Variants in MARCHF1 observed in about 807,000 individuals in gnomAD.
MARCHF1 encodes E3 ubiquitin-protein ligase MARCHF1.
MARCHF1 carries 40 observed loss-of-function variants against 54.2 expected under a neutral mutation model. That is an observed-to-expected ratio of 0.74 (90% CI 0.57 to 0.96). The LOEUF (loss-of-function observed/expected upper bound fraction) is 0.96. MARCHF1 is among the 40% of genes least tolerant of loss of function. The pLI is 0.00. For missense variants in MARCHF1, 586 were observed against 656.5 expected, an observed-to-expected ratio of 0.89 and a Z score of 1.17; for synonymous variants, 236 against 236.3, an observed-to-expected ratio of 1.00 and a Z score of 0.01.
intron 8 of MARCHF1, among the ~76,000 whole-genome samples, chr4:163,582,283 A>G (rs6840994): frequency 0.019 from 2,838 of 152,262 alleles, 77 homozygotes; most frequent in African/African-American, 0.063. Context: ...GACTTTTATT[A>G]AGTATTCCAA....
chr4:163,714,496 G>T (rs904931458), intron 4 of MARCHF1, among the ~76,000 whole-genome samples: 6 of 152,168 alleles, frequency 3.9e-5, no homozygotes, highest in Non-Finnish European at 8.8e-5. Context: ...CAATGGAAGA[G>T]ACTATATTTC....
intron 2 of MARCHF1, among the ~76,000 whole-genome samples, chr4:164,089,632 A>C (rs779552020): frequency 6.6e-6 from 1 of 151,956 alleles, no homozygotes; most frequent in Non-Finnish European, 1.5e-5. Flanking sequence ...AAGGACCTTA[A>C]ATCTACTAAT....
At chr4:164,163,744 A>G (rs919705312) in intron 1 of MARCHF1, among the ~76,000 whole-genome samples, 40 of 151,958 alleles carry the variant, frequency 2.6e-4, no homozygotes, top group Non-Finnish European at 5.3e-4. Context: ...ACTTAAAGTA[A>G]TTGACATTTA....
At chr4:163,932,488 T>C in intron 3 of MARCHF1, 3 of 365,576 alleles carry the variant, frequency 8.2e-6, no homozygotes, top group Non-Finnish European at 1.6e-5. Flanking sequence ...CAGGAGCAAA[T>C]TCCATCTCAA....
At chr4:164,244,061 T>C (rs1214680095) in intron 1 of MARCHF1, among the ~76,000 whole-genome samples, 3 of 152,002 alleles carry the variant, frequency 2.0e-5, no homozygotes, top group East Asian at 3.9e-4. Context: ...GACAGAAAGT[T>C]AACAAGGATA....
intron 1 of MARCHF1, among the ~76,000 whole-genome samples, chr4:164,340,303 C>T (rs1729875605): frequency 6.8e-6 from 1 of 147,656 alleles, no homozygotes; most frequent in Non-Finnish European, 1.5e-5. Flanking sequence ...GTGGCGTGAT[C>T]TCAGCTTGCT....
At chr4:164,370,257 G>C (rs1037531096) in intron 1 of MARCHF1, among the ~76,000 whole-genome samples, 2 of 152,162 alleles carry the variant, frequency 1.3e-5, no homozygotes, top group African/African-American at 4.8e-5. Flanking sequence ...AGGGTGAAAA[G>C]AAGAAAGTAG....
At chr4:163,738,118 A>C (rs905679780) in intron 4 of MARCHF1, among the ~76,000 whole-genome samples, 1 of 152,108 alleles carries the variant, frequency 6.6e-6, no homozygotes, top group African/African-American at 2.4e-5. Context: ...GGTCCTAACA[A>C]ACATATTTCA....
chr4:164,268,914 T>C (rs1365874268), intron 1 of MARCHF1, among the ~76,000 whole-genome samples: 2 of 152,098 alleles, frequency 1.3e-5, no homozygotes, highest in Non-Finnish European at 2.9e-5. Flanking sequence ...GAGAAAAGAT[T>C]GTGGATGAGA....
chr4:163,946,810 T>C (rs1177779673), intron 3 of MARCHF1, among the ~76,000 whole-genome samples: 1 of 152,158 alleles, frequency 6.6e-6, no homozygotes, highest in East Asian at 1.9e-4. Flanking sequence ...TGATTCAATT[T>C]CCCATTATCT....
intron 3 of MARCHF1, among the ~76,000 whole-genome samples, chr4:163,947,543 A>G (rs6536763): frequency 0.62 from 93,718 of 152,066 alleles, 29,144 homozygotes; most frequent in Middle Eastern, 0.71. Context: ...CACTGGACCC[A>G]GAGATGAGAG....
intron 1 of MARCHF1, among the ~76,000 whole-genome samples, chr4:164,362,216 G>A (rs1730741554): frequency 6.6e-6 from 1 of 152,070 alleles, no homozygotes; most frequent in Admixed American, 6.6e-5. Flanking sequence ...AGACATTTGT[G>A]TGTGATTATA....
At chr4:164,220,639 CTA>C (rs1205667294) in intron 1 of MARCHF1, among the ~76,000 whole-genome samples, 2 of 136,518 alleles carry the variant, frequency 1.5e-5, no homozygotes, top group African/African-American at 2.7e-5. Flanking sequence ...AATATATATG[CTA>C]TATATGCATA....
intron 1 of MARCHF1, among the ~76,000 whole-genome samples, chr4:164,196,806 C>T (rs1389242316): frequency 6.6e-6 from 1 of 152,058 alleles, no homozygotes; most frequent in Non-Finnish European, 1.5e-5. Flanking sequence ...CCACCGCCTC[C>T]TGCCCTCCCT....
chr4:164,176,941 GCTCTCTCTCTCTCTCTCTCT>G (rs57770641), intron 1 of MARCHF1, among the ~76,000 whole-genome samples: 6,514 of 58,206 alleles, frequency 0.11, 809 homozygotes, highest in African/African-American at 0.19. Context: ...TACCTTGTGC[GCTCTCTCTCTCTCTCTCTCT>G]CTCTCTCTCT....
At chr4:163,550,443 A>C (rs1352429336) in intron 8 of MARCHF1, among the ~76,000 whole-genome samples, 1 of 151,766 alleles carries the variant, frequency 6.6e-6, no homozygotes, top group Non-Finnish European at 1.5e-5. Context: ...CAATCTATAG[A>C]ATGATAGACC....
intron 2 of MARCHF1, among the ~76,000 whole-genome samples, chr4:163,999,904 C>T (rs1753153238): frequency 6.6e-6 from 1 of 151,664 alleles, no homozygotes; most frequent in African/African-American, 2.4e-5. Context: ...TATAAGATTA[C>T]ATTTAACTCT....
At chr4:164,290,844 T>G (rs1360594717) in intron 1 of MARCHF1, among the ~76,000 whole-genome samples, 1 of 151,916 alleles carries the variant, frequency 6.6e-6, no homozygotes, top group Admixed American at 6.6e-5. Context: ...TTGAAATCTA[T>G]TTGTGTTTAA....
At chr4:163,710,627 T>G (rs1334752075) in intron 4 of MARCHF1, among the ~76,000 whole-genome samples, 1 of 151,768 alleles carries the variant, frequency 6.6e-6, no homozygotes, top group Non-Finnish European at 1.5e-5. Flanking sequence ...ACCAAAGACT[T>G]TTTTTTTAAG....
Sources: gnomAD v4.1 joint callset for allele counts (sites outside exome capture counted in the v4.1 genomes callset) on GRCh38, gnomAD v4.1.1 for gene constraint, MANE v1.5 for transcripts, NCBI Gene and HGNC (gene_info 2026-07-23, HGNC 2026-07-21) for gene names.